The following SNAP47 variants were observed in gnomAD, a reference collection of about 807,000 sequenced individuals.
The protein encoded by SNAP47 is synaptosomal-associated protein 47.
In SNAP47, 20 loss-of-function variants were observed where a neutral mutation model predicts 31.4. The ratio of observed to expected loss-of-function variants is 0.64; its 90% CI spans 0.45 to 0.93. The LOEUF is 0.93. SNAP47 is among the 40% of genes least tolerant of loss of function. The probability of loss-of-function intolerance (pLI) is 0.00; values close to 1 mark genes in which losing one functional copy is unlikely to be tolerated. For missense variants in SNAP47, 492 were observed against 528.5 expected (o/e 0.93, Z 0.68); for synonymous variants, 194 against 213.4 (o/e 0.91, Z 0.79).
chr1:227,744,370 A>C (rs1661819514), intron 1 of SNAP47, among the ~76,000 whole-genome samples: 1 of 152,144 alleles, frequency 6.6e-6, no homozygotes, highest in Non-Finnish European at 1.5e-5. Flanking sequence ...TGGGAAATTC[A>C]GTCCTGACCT....
At chr1:227,736,028 G>T in intron 1 of SNAP47, 1 of 159,956 alleles carries the variant, frequency 6.3e-6, no homozygotes, top group Non-Finnish European at 1.4e-5. Flanking sequence ...GGACAGTGGG[G>T]ATTTGGAGGG....
intron 1 of SNAP47, among the ~76,000 whole-genome samples, chr1:227,738,487 C>T (rs991935667): frequency 1.3e-5 from 2 of 152,188 alleles, no homozygotes; most frequent in Admixed American, 6.5e-5. Flanking sequence ...TGCACACACA[C>T]TCACACATAC....
intron 4 of SNAP47, among the ~76,000 whole-genome samples, chr1:227,770,929 C>T (rs1220389298): frequency 2.6e-5 from 4 of 152,232 alleles, no homozygotes; most frequent in Non-Finnish European, 4.4e-5. Context: ...ACACAAGTGT[C>T]GCTCTCCTGC....
At chr1:227,745,380 CA>C (rs1455798349) in intron 1 of SNAP47, among the ~76,000 whole-genome samples, 6 of 152,170 alleles carry the variant, frequency 3.9e-5, no homozygotes, top group Non-Finnish European at 8.8e-5. Context: ...GCTTACTTTC[CA>C]AACGAAATAA....
intron 4 of SNAP47, among the ~76,000 whole-genome samples, chr1:227,768,612 G>A (rs912617165): frequency 3.3e-5 from 5 of 152,112 alleles, no homozygotes; most frequent in Non-Finnish European, 7.4e-5. Context: ...TTTTCCTCCC[G>A]GCCTCACTTA....
chr1:227,740,360 T>C (rs1185429685), intron 1 of SNAP47, among the ~76,000 whole-genome samples: 1 of 152,154 alleles, frequency 6.6e-6, no homozygotes, highest in African/African-American at 2.4e-5. Context: ...AAGTGACATA[T>C]TCTAATTCTG....
intron 1 of SNAP47, among the ~76,000 whole-genome samples, chr1:227,739,381 T>G (rs1336224613): frequency 6.6e-6 from 1 of 152,166 alleles, no homozygotes; most frequent in Non-Finnish European, 1.5e-5. Flanking sequence ...GTGCCGAATA[T>G]GTGCTCCTCT....
At chr1:227,772,723 A>T (rs1558214926) in intron 4 of SNAP47, among the ~76,000 whole-genome samples, 1 of 152,044 alleles carries the variant, frequency 6.6e-6, no homozygotes, top group Non-Finnish European at 1.5e-5. Flanking sequence ...GCCCATTCTG[A>T]GTTAATGTTT....
intron 3 of SNAP47, among the ~76,000 whole-genome samples, chr1:227,764,299 G>A (rs750148255): frequency 1.3e-5 from 2 of 152,206 alleles, no homozygotes. Context: ...CAGCCACCGC[G>A]CCCAGCAGAA....
chr1:227,734,048 A>G (rs554311671), upstream of SNAP47: 14 of 1,610,886 alleles, frequency 8.7e-6, no homozygotes, highest in African/African-American at 9.3e-5. Context: ...AGGAGGGCGC[A>G]AGGGCACCAC....
intron 1 of SNAP47, among the ~76,000 whole-genome samples, chr1:227,744,581 C>G (rs770802828): frequency 8.6e-5 from 13 of 151,676 alleles, no homozygotes; most frequent in Non-Finnish European, 1.9e-4. Context: ...CCTCCCCCTC[C>G]TCTCCTTCCT....
chr1:227,734,852 G>A (rs758321622), upstream of SNAP47: 4 of 1,611,544 alleles, frequency 2.5e-6, no homozygotes, highest in Non-Finnish European at 3.4e-6. Context: ...CATCTCCCTG[G>A]GCCCCGTCCT....
intron 4 of SNAP47, chr1:227,776,327 A>C: frequency 1.0e-6 from 1 of 987,996 alleles, no homozygotes; most frequent in Non-Finnish European, 1.2e-6. Context: ...TGAAGTTTAT[A>C]AAAGTTTGTT....
chr1:227,764,363 A>G (rs1326500286), intron 3 of SNAP47, among the ~76,000 whole-genome samples: 1 of 152,166 alleles, frequency 6.6e-6, no homozygotes, highest in Non-Finnish European at 1.5e-5. Context: ...GTGTTTAAGC[A>G]AAGTCCTATT....
intron 1 of SNAP47, among the ~76,000 whole-genome samples, chr1:227,745,210 T>C (rs1661882917): frequency 1.3e-5 from 2 of 152,234 alleles, no homozygotes. Flanking sequence ...TGAACCATTA[T>C]GTACAGAAAT....
At chr1:227,751,744 G>GTTTTTTTTTTTTTTTTT (rs540732076) in intron 2 of SNAP47, among the ~76,000 whole-genome samples, 2 of 69,138 alleles carry the variant, frequency 2.9e-5, no homozygotes, top group African/African-American at 1.1e-4. Flanking sequence ...TAAAGACTTG[G>GTTTTTTTTTTTTTTTTT]TTTTTTTTTT....
chr1:227,750,482 G>T (rs1406343550), intron 2 of SNAP47, among the ~76,000 whole-genome samples: 1 of 152,246 alleles, frequency 6.6e-6, no homozygotes, highest in Non-Finnish European at 1.5e-5. Flanking sequence ...GCCCTGCTAT[G>T]TGGACACTAA....
chr1:227,733,739 G>A (rs1445795543), upstream of SNAP47: 4 of 1,596,254 alleles, frequency 2.5e-6, no homozygotes, highest in Non-Finnish European at 2.5e-6. Flanking sequence ...GCTTTGCTTG[G>A]CACCCCAGAG....
rs546150404 is a variant in SNAP47, at chr1:227,741,741, G to A, written c.-45-5951G>A. Among the ~76,000 whole-genome samples the A allele has an allele frequency of 2.8e-4, 42 of 152,184 alleles. No individual in the cohort carries two copies. The highest frequency in any genetic ancestry group is 9.2e-4 in the African/African-American group (38 of 41,502). On this transcript the variant is annotated intron_variant, in intron 1 of 4. Transcript: ENST00000617596. This position sits in a 1 kb window ranked among gnomAD's most constrained non-coding sequence, Gnocchi z 4.2. ...TCGTCGGGTAGGGGAATGGCTGGCCGGCGTGGGGGCCGTGTTCAAGATTGG... is the reference window on the plus strand; with the variant it reads ...TCGTCGGGTAGGGGAATGGCTGGCCAGCGTGGGGGCCGTGTTCAAGATTGG...
Sources: allele counts gnomAD v4.1 joint callset (sites outside exome capture counted in the v4.1 genomes callset), GRCh38; gene constraint gnomAD v4.1.1; non-coding constraint Gnocchi (gnomAD v3.1); transcripts MANE v1.5; gene names NCBI Gene and HGNC (gene_info 2026-07-23, HGNC 2026-07-21).